PM20D1: variants seen among roughly 807,000 people sequenced by gnomAD.
PM20D1 encodes peptidase M20 domain containing 1, also known as N-fatty-acyl-amino acid synthase/hydrolase PM20D1.
In PM20D1, 53 loss-of-function variants were observed where a neutral mutation model predicts 53.8. The observed-to-expected ratio is 0.98, with a 90% CI of 0.79 to 1.24. The LOEUF (loss-of-function observed/expected upper bound fraction) is 1.24, where lower values mean the gene tolerates loss of function less well. Among genes scored for constraint, PM20D1 ranks in the 50% most tolerant of loss-of-function variants. The pLI, the probability that PM20D1 is intolerant of heterozygous loss-of-function variation, is 0.00. For missense variants in PM20D1, 564 were observed against 616.8 expected, an observed-to-expected ratio of 0.91 and a Z score of 0.91; for synonymous variants, 239 against 241.3, an observed-to-expected ratio of 0.99 and a Z score of 0.09.
intron 2 of PM20D1, 56 bp from the exon 3 acceptor site, chr1:205,845,613 T>C: frequency 6.9e-7 from 1 of 1,453,796 alleles, no homozygotes; most frequent in East Asian, 2.3e-5. Flanking sequence ...CCTTAGGTTT[T>C]CCTACCAAGT....
chr1:205,850,016 G>A lies in PM20D1; in HGVS notation c.57C>T (p.Phe19=), dbSNP rs764087365. The A allele has an allele frequency of 1.2e-6, 2 of 1,614,158 alleles. No homozygotes were observed. Among genetic ancestry groups the A allele is most frequent in the African/African-American group, 2.7e-5 (2 of 75,040 alleles). ...LALVAMLLLV[F]PTVSRSMGPR... is the part of the protein sequence containing the mutation. ...GGCCCATCGATCTGGAGACGGTAGG[G>A]AAAACTAGGAGCAGCATAGCCACCA... Residue 19 remains phenylalanine (F), a synonymous_variant, in exon 1 of 13, where the codon TTC becomes TTT. Coordinates refer to ENST00000367136, the MANE Select transcript of PM20D1 (RefSeq NM_152491.5).
chr1:205,836,070 T>C (rs1656681543), intron 10 of PM20D1, among the ~76,000 whole-genome samples: 1 of 152,134 alleles, frequency 6.6e-6, no homozygotes, highest in Non-Finnish European at 1.5e-5. Context: ...GAGACGGGGT[T>C]TCACCATGTT....
At position 205,850,068 on chromosome 1, in the gene PM20D1, G is replaced by A. The variant is rs1308479623; in HGVS notation, c.5C>T (p.Ala2Val). The A allele has an allele frequency of 2.5e-6, 4 of 1,612,624 alleles. No homozygotes were observed. The highest frequency in any genetic ancestry group is 3.4e-6 in the Non-Finnish European group (4 of 1,178,938). The change falls in exon 1 of 13, where the codon GCT becomes GTT. Residue 2 changes from alanine to valine, a missense_variant. Coordinates refer to ENST00000367136, the MANE Select transcript of PM20D1 (RefSeq NM_152491.5). M[A>V]QRCVCVLALV... ...GGCCAGCACGCAAACGCACCGCTGA[G>A]CCATGCTTCTCTCGAGCTCCTGCTG...
intron 10 of PM20D1, 78 bp downstream of exon 10, chr1:205,840,174 C>T: frequency 7.5e-7 from 1 of 1,331,164 alleles, no homozygotes; most frequent in Non-Finnish European, 1.1e-6. Context: ...AGCCCTAGGA[C>T]TGTAGTTAAA....
At chr1:205,834,821 TG>T (rs1656645662) in intron 10 of PM20D1, among the ~76,000 whole-genome samples, 1 of 152,158 alleles carries the variant, frequency 6.6e-6, no homozygotes, top group Non-Finnish European at 1.5e-5. Flanking sequence ...AGTAAGAGGC[TG>T]CAGGAGCTCA....
At position 205,832,721 on chromosome 1, in the gene PM20D1, A is replaced by G. The variant is rs375890889; in HGVS notation, c.1162T>C (p.Phe388Leu). 70 of 1,612,928 alleles carry G rather than the reference A, an allele frequency of 4.3e-5. No individual in the cohort carries two copies. Among genetic ancestry groups the G allele is most frequent in the Non-Finnish European group, 1.3e-5 (15 of 1,179,550 alleles). The change falls in exon 11 of 13, where the codon TTC becomes CTC. Residue 388 changes from phenylalanine (F) to leucine (L), a missense_variant. Phe to Leu is a conservative substitution (Grantham distance 22). Transcript: ENST00000367136. ...GGGTCAAAGGCACTCAACACATGGA[A>G]CTGGACTCTGTTATCAGCCACAATG... ...KNIVADNRVQ[F>L]HVLSAFDPLP... is the part of the protein sequence containing the mutation.
chr1:205,844,697 AAAC>A (rs879446224), intron 4 of PM20D1, 111 bp downstream of exon 4: 1 of 914,684 alleles, frequency 1.1e-6, no homozygotes, highest in Non-Finnish European at 1.6e-6. Context: ...AGAAGTTGGC[AAAC>A]TACCGTATCA....
chr1:205,845,548 G>A lies in PM20D1; in HGVS notation c.266C>T (p.Thr89Ile), dbSNP rs750999890. Residue 89 changes from threonine (T) to isoleucine (I), a missense_variant, in exon 3 of 13, where the codon ACA (threonine) becomes ATA (isoleucine). Physicochemically the swap from Thr to Ile is moderately conservative, Grantham distance 89 (BLOSUM62 -1). Coordinates refer to ENST00000367136, the MANE Select transcript of PM20D1 (RefSeq NM_152491.5). ...FGKYIHKVFP[T>I]VVSTSFIQHE... ...CTGGATAAAGCTGGTGCTGACCACT[G>A]TAGGAAAGACTAGAAGCAAAAAGGG... is the stretch of plus-strand genomic sequence containing the variant. 1.9e-6 allele frequency: 3 copies of A among 1,613,814 alleles called. No homozygotes were observed. Among genetic ancestry groups the A allele is most frequent in the South Asian group, 2.2e-5 (2 of 91,076 alleles).
intron 2 of PM20D1, among the ~76,000 whole-genome samples, chr1:205,846,404 A>G (rs1029202441): frequency 7.2e-5 from 11 of 152,136 alleles, no homozygotes; most frequent in African/African-American, 2.7e-4. Flanking sequence ...AAGACTCACT[A>G]TTAAGATGGT....
intron 2 of PM20D1, among the ~76,000 whole-genome samples, chr1:205,846,375 GACTCCA>G (rs1656984918): frequency 6.6e-6 from 1 of 151,202 alleles, no homozygotes; most frequent in Non-Finnish European, 1.5e-5. Flanking sequence ...GACACAGCAA[GACTCCA>G]ACTCAAAAAA....
chr1:205,841,785 A>G (rs368929135), intron 9 of PM20D1, 26 bp downstream of exon 9: 7 of 1,546,094 alleles, frequency 4.5e-6, no homozygotes, highest in Admixed American at 3.9e-5. Context: ...GGGAAAAGCT[A>G]TATGGGGAGG....
intron 4 of PM20D1, 117 bp downstream of exon 4, chr1:205,844,694 G>T: frequency 4.6e-6 from 4 of 861,508 alleles, no homozygotes; most frequent in Non-Finnish European, 7.1e-6. Context: ...CGGAGAAGTT[G>T]GCAAACTACC....
intron 2 of PM20D1, among the ~76,000 whole-genome samples, chr1:205,846,986 G>GT (rs1394235305): frequency 2.9e-5 from 1 of 34,576 alleles, no homozygotes; most frequent in Non-Finnish European, 6.5e-5. Context: ...ACTCATTTTT[G>GT]TTTTTTCCTT....
rs780306316 is a variant in PM20D1, at chr1:205,842,156, G to T, written c.963C>A (p.Ser321Arg). The change falls in exon 8 of 13, where the codon AGC becomes AGA. Residue 321 changes from serine to arginine, a missense_variant and splice_region_variant. By Grantham distance (110) the Ser-to-Arg change is moderately radical. Transcript: ENST00000367136. ...AAAAAGGAAAGATAATACTTTACCT[G>T]CTTATAAGTGGTTCAAATAGCCATG... ...SNPWLFEPLI[S>R]RFMERNPLTN... 1.2e-6 allele frequency: 2 copies of T among 1,609,682 alleles called. No individual in the cohort carries two copies. The highest frequency in any genetic ancestry group is 1.7e-5 in the Admixed American group (1 of 60,014).
At chr1:205,848,111 T>C in intron 1 of PM20D1, 140 bp from the exon 2 acceptor site, 1 of 782,962 alleles carries the variant, frequency 1.3e-6, no homozygotes, top group African/African-American at 1.8e-5. Flanking sequence ...TAGGCGCTAT[T>C]GTTTCCTCTA....
rs142122998 is a variant in PM20D1 at position 205,828,730 on chromosome 1, T to G, written c.1399A>C (p.Asn467His). 9.3e-5 allele frequency: 150 copies of G among 1,613,952 alleles called. No homozygotes were observed. Among genetic ancestry groups the G allele is most frequent in the Non-Finnish European group, 1.2e-4 (139 of 1,179,940 alleles). ...PEDFKRIHGV[N>H]EKISVQAYET... is the part of the protein sequence containing the mutation. ...TAGGCTTGGACTGAGATTTTCTCGT[T>G]GACTCCATGGATGCTGAGGAAAGTA... The change falls in exon 13 of 13, where the codon AAC (asparagine) becomes CAC (histidine). Residue 467 changes from asparagine (N) to histidine (H), a missense_variant. Coordinates refer to ENST00000367136, the MANE Select transcript of PM20D1 (RefSeq NM_152491.5).
At position 205,845,337 on chromosome 1, in the gene PM20D1, C is replaced by T. The variant is rs767757029; in HGVS notation, c.477G>A (p.Lys159=). Residue 159 remains lysine, a synonymous_variant, in exon 3 of 13, where the codon AAG becomes AAA. Transcript: ENST00000367136. ...IIYGRGTLDD[K]NSVMALLQAL... is the part of the protein sequence containing the mutation. The stretch of plus-strand genomic sequence containing the variant: ...TTGCATCTCAGACCATCACAGAGTT[C>T]TTGTCGTCCAGTGTGCCCCGACCAT... 2 of 1,613,764 alleles carry T rather than the reference C, an allele frequency of 1.2e-6. No homozygotes were observed. The highest frequency in any genetic ancestry group is 8.5e-7 in the Non-Finnish European group (1 of 1,179,626).
chr1:205,840,259 A>G lies in PM20D1; in HGVS notation c.1109T>C (p.Val370Ala), dbSNP rs775105797. The G allele has an allele frequency of 1.2e-6, 2 of 1,613,490 alleles. No individual in the cohort carries two copies. Among genetic ancestry groups the G allele is most frequent in the East Asian group, 4.5e-5 (2 of 44,876 alleles). Residue 370 changes from valine to alanine, a missense_variant, in exon 10 of 13, where the codon GTC (valine) becomes GCC (alanine). Val to Ala is a moderately conservative substitution (Grantham distance 64). Transcript: ENST00000367136. ...GGAACATATGGTACATACCTCTTGG[A>G]CTGTCTGTCCAGGGTGAATCCGGAA... is the stretch of plus-strand genomic sequence containing the variant. ...VNFRIHPGQT[V>A]QEVLELTKNI...
At position 205,847,909 on chromosome 1, in the gene PM20D1, C is replaced by T. The variant is rs778583553; in HGVS notation, c.232G>A (p.Glu78Lys). ...CCTTTATGAATGTATTTTCCGAACT[C>T]AGCCAGGGCTGTAGTATTGGACTTC... ...SEKSNTTALA[E>K]FGKYIHKVFP... is the part of the protein sequence containing the mutation. Residue 78 changes from glutamate to lysine, a missense_variant, in exon 2 of 13, where the codon GAG (glutamate) becomes AAG (lysine). By Grantham distance (56) the Glu-to-Lys change is moderately conservative (BLOSUM62 1). Coordinates refer to ENST00000367136, the MANE Select transcript of PM20D1 (RefSeq NM_152491.5). 1 of 1,600,346 alleles carries T rather than the reference C, an allele frequency of 6.2e-7. No homozygotes were observed. Among genetic ancestry groups the T allele is most frequent in the Admixed American group, 1.7e-5 (1 of 59,186 alleles).
Sources: allele counts gnomAD v4.1 joint callset (sites outside exome capture counted in the v4.1 genomes callset), GRCh38; gene constraint gnomAD v4.1.1; transcripts MANE v1.5; gene names NCBI Gene and HGNC (gene_info 2026-07-23, HGNC 2026-07-21).